The following CDH11 variants were observed in gnomAD, a reference collection of about 807,000 sequenced individuals.
CDH11 encodes the protein cadherin 11, also known as cadherin-11.
CDH11 carries 11 observed loss-of-function variants against 67.8 expected under a neutral mutation model. That is an observed-to-expected ratio of 0.16 (90% CI 0.10 to 0.27). The LOEUF is 0.27. Ranked by LOEUF, CDH11 falls within the 10% of genes least tolerant of loss-of-function variation. The pLI is 1.00. For missense variants in CDH11, 847 were observed against 1,031.2 expected, an observed-to-expected ratio of 0.82 and a Z score of 2.45; for synonymous variants, 419 against 400.0, an observed-to-expected ratio of 1.05 and a Z score of -0.57.
At chr16:64,962,566 C>T (rs571538461) in intron 11 of CDH11, among the ~76,000 whole-genome samples, 55 of 152,188 alleles carry the variant, frequency 3.6e-4, no homozygotes, top group Non-Finnish European at 6.2e-4. Context: ...GGACCTCTCC[C>T]GTGACCCCCT....
chr16:65,061,727 C>T (rs1255207974), intron 1 of CDH11, among the ~76,000 whole-genome samples: 1 of 152,212 alleles, frequency 6.6e-6, no homozygotes, highest in Non-Finnish European at 1.5e-5. Flanking sequence ...ACATATGATG[C>T]TAACTCTCAG....
chr16:65,078,173 C>T (rs1236067230), intron 1 of CDH11, among the ~76,000 whole-genome samples: 1 of 152,156 alleles, frequency 6.6e-6, no homozygotes, highest in African/African-American at 2.4e-5. Flanking sequence ...AAGAAACCTC[C>T]CTGACACTGA....
At chr16:65,114,694 G>C (rs894724881) in intron 1 of CDH11, among the ~76,000 whole-genome samples, 1 of 152,162 alleles carries the variant, frequency 6.6e-6, no homozygotes, top group Non-Finnish European at 1.5e-5. Flanking sequence ...AGATGACACC[G>C]GCGAGCCGCA....
chr16:64,955,052 C>T (rs900047929), intron 11 of CDH11, among the ~76,000 whole-genome samples: 1 of 151,744 alleles, frequency 6.6e-6, no homozygotes, highest in Non-Finnish European at 1.5e-5. Context: ...CAAGACCATA[C>T]TGGCTAATGC....
chr16:65,108,479 G>T (rs946600992), intron 1 of CDH11, among the ~76,000 whole-genome samples: 5 of 152,142 alleles, frequency 3.3e-5, no homozygotes, highest in African/African-American at 1.2e-4. Flanking sequence ...TAACAAAAAT[G>T]AAAATTGTAT....
chr16:65,111,445 T>A (rs1467314233), intron 1 of CDH11, among the ~76,000 whole-genome samples: 1 of 152,146 alleles, frequency 6.6e-6, no homozygotes, highest in Admixed American at 6.5e-5. Flanking sequence ...TCATTTCTTA[T>A]GTGCACAGGG....
intron 3 of CDH11, among the ~76,000 whole-genome samples, chr16:64,999,710 T>C (rs1203933394): frequency 6.6e-6 from 1 of 152,074 alleles, no homozygotes; most frequent in Admixed American, 6.6e-5. Flanking sequence ...CATTTTTGTA[T>C]TTTTAGTAGA....
At chr16:64,957,278 C>T (rs2071541018) in intron 11 of CDH11, among the ~76,000 whole-genome samples, 1 of 152,126 alleles carries the variant, frequency 6.6e-6, no homozygotes, top group Non-Finnish European at 1.5e-5. Context: ...ATGAAAAAGG[C>T]CACAGGGCAC....
chr16:65,100,265 C>A (rs2074967335), intron 1 of CDH11, among the ~76,000 whole-genome samples: 1 of 151,888 alleles, frequency 6.6e-6, no homozygotes, highest in African/African-American at 2.4e-5. Context: ...TAGTTAGTGA[C>A]AGGATGTTGA....
At position 65,121,301 on chromosome 16, in the gene CDH11, G is replaced by C. The variant is rs1270888418; in HGVS notation, c.-298+579C>G. 6.6e-6 allele frequency among the ~76,000 whole-genome samples: 1 copy of C among 152,194 alleles called. No individual in the cohort carries two copies. Among genetic ancestry groups the C allele is most frequent in the Admixed American group, 6.5e-5 (1 of 15,282 alleles). ...CCCCAAACCCACGCTATTAAAGTGCGGGCAATCTCCTTCCGGAGCTGGGGT... is the reference window on the plus strand; with the variant it reads ...CCCCAAACCCACGCTATTAAAGTGCCGGCAATCTCCTTCCGGAGCTGGGGT... On this transcript the variant is annotated intron_variant, in intron 1 of 12. Transcript: ENST00000268603. This position sits in a 1 kb window ranked among gnomAD's most constrained non-coding sequence, Gnocchi z 4.1.
chr16:65,021,658 A>G (rs1333853568), intron 2 of CDH11, among the ~76,000 whole-genome samples: 1 of 150,072 alleles, frequency 6.7e-6, no homozygotes, highest in East Asian at 2.0e-4. Context: ...AAATCCTTTT[A>G]GATCTCTTAA....
chr16:64,944,467 T>G lies in CDH11; in HGVS notation c.*3136A>C. 1 of 233,038 alleles carries G rather than the reference T, an allele frequency of 4.3e-6. No individual in the cohort carries two copies. The highest frequency in any genetic ancestry group is 8.5e-6 in the Non-Finnish European group (1 of 117,910). 14.4% of individuals were successfully genotyped at this position (233,038 alleles called of 1,614,324 possible). On this transcript the variant is annotated 3_prime_UTR_variant, in exon 13 of 13. Coordinates refer to ENST00000268603, the MANE Select transcript of CDH11 (RefSeq NM_001797.4). ...TATGCTCCTAATCTGTCCTCCACAC[T>G]GCCTGCCAAATAAATTTTGCCCCTC... is the stretch of plus-strand genomic sequence containing the variant.
chr16:65,055,952 C>G (rs1256919011), intron 1 of CDH11, among the ~76,000 whole-genome samples: 1 of 152,194 alleles, frequency 6.6e-6, no homozygotes, highest in African/African-American at 2.4e-5. Flanking sequence ...GCAGAGCTCT[C>G]TCTTTGTTTC....
intron 2 of CDH11, among the ~76,000 whole-genome samples, chr16:65,048,391 G>C (rs1361571941): frequency 6.6e-6 from 1 of 152,072 alleles, no homozygotes; most frequent in Non-Finnish European, 1.5e-5. Flanking sequence ...CCCACTACTG[G>C]GTACCTATCT....
intron 8 of CDH11, among the ~76,000 whole-genome samples, chr16:64,977,063 G>A (rs553133304): frequency 3.4e-4 from 52 of 152,248 alleles, no homozygotes; most frequent in African/African-American, 1.1e-3. Context: ...GGCAGGCACA[G>A]TGGCATGCAC....
intron 12 of CDH11, among the ~76,000 whole-genome samples, chr16:64,949,706 G>A (rs765432049): frequency 6.6e-6 from 1 of 152,042 alleles, no homozygotes; most frequent in Non-Finnish European, 1.5e-5. Flanking sequence ...GATTACAGGC[G>A]TGAGCTACTG....
Position 64,946,792 on chromosome 16 carries a change from CT to C in CDH11, c.*810del. 4 of 878,896 alleles carry C rather than the reference CT, an allele frequency of 4.6e-6. No individual in the cohort carries two copies. Among genetic ancestry groups the C allele is most frequent in the Middle Eastern group, 5.4e-4 (1 of 1,862 alleles). The allele number at this position is 878,896 out of a possible 1,614,324, so 54.4% of individuals were successfully genotyped here. A position where few individuals can be genotyped will look rare whatever the true frequency, so the allele number is the denominator to read the frequency against. ...ATCAAACCCAGAATTAAAAAAAAAT[CT>C]TTTTTTATTTCAAAGATTGCTTCTT... On this transcript the variant is annotated 3_prime_UTR_variant, in exon 13 of 13. Transcript: ENST00000268603.
At chr16:65,073,556 T>C (rs529517797) in intron 1 of CDH11, among the ~76,000 whole-genome samples, 1 of 152,298 alleles carries the variant, frequency 6.6e-6, no homozygotes, top group Non-Finnish European at 1.5e-5. Context: ...TGCTGGGATG[T>C]TATAGGCGTG....
chr16:64,976,288 A>G (rs938099860), intron 8 of CDH11, among the ~76,000 whole-genome samples: 5 of 152,172 alleles, frequency 3.3e-5, no homozygotes, highest in African/African-American at 1.2e-4. Context: ...TAGTGAAGAC[A>G]TCAGGTACAG....
Sources: gnomAD v4.1 joint callset for allele counts (sites outside exome capture counted in the v4.1 genomes callset) on GRCh38, gnomAD v4.1.1 for gene constraint, Gnocchi (gnomAD v3.1) non-coding constraint, MANE v1.5 for transcripts, NCBI Gene and HGNC (gene_info 2026-07-23, HGNC 2026-07-21) for gene names.